The following BRINP3 variants were observed in gnomAD, a reference collection of about 807,000 sequenced individuals.
BRINP3 encodes BMP/retinoic acid inducible neural specific 3, also known as BMP/retinoic acid-inducible neural-specific protein 3.
Under a neutral mutation model 71.0 loss-of-function variants are expected in BRINP3, and 19 were observed. The observed-to-expected ratio is 0.27, with a 90% CI of 0.19 to 0.39. The LOEUF (loss-of-function observed/expected upper bound fraction) is 0.39, where lower values mean the gene tolerates loss of function less well. Ranked by LOEUF, BRINP3 falls within the 10% of genes least tolerant of loss-of-function variation. The probability of loss-of-function intolerance (pLI) is 1.00; values close to 1 mark genes in which losing one functional copy is unlikely to be tolerated. For synonymous variants in BRINP3, 380 were observed against 337.7 expected, an observed-to-expected ratio of 1.13 and a Z score of -1.37; for missense variants, 959 against 940.8, an observed-to-expected ratio of 1.02 and a Z score of -0.25.
chr1:190,428,103 T>C (rs1449573973), intron 2 of BRINP3, among the ~76,000 whole-genome samples: 1 of 152,004 alleles, frequency 6.6e-6, no homozygotes, highest in Non-Finnish European at 1.5e-5. Context: ...GGCAAATATT[T>C]TTTTTTCCTC....
intron 7 of BRINP3, among the ~76,000 whole-genome samples, chr1:190,152,539 C>G (rs939372527): frequency 2.3e-5 from 3 of 133,028 alleles, no homozygotes; most frequent in African/African-American, 8.2e-5. Flanking sequence ...CAACCCCCCC[C>G]CCGCCCCCCA....
intron 2 of BRINP3, among the ~76,000 whole-genome samples, chr1:190,405,800 C>T (rs12405768): frequency 7.2e-5 from 11 of 152,268 alleles, no homozygotes; most frequent in Admixed American, 1.3e-4. Context: ...TTTACCACGC[C>T]AGACATGCTA....
At chr1:190,440,744 G>T in intron 2 of BRINP3, among the ~76,000 whole-genome samples, 1 of 151,670 alleles carries the variant, frequency 6.6e-6, no homozygotes, top group East Asian at 1.9e-4. Flanking sequence ...CAAATGAGCT[G>T]GATTAAACTG....
At chr1:190,347,868 C>T (rs966108468) in intron 2 of BRINP3, among the ~76,000 whole-genome samples, 1 of 152,018 alleles carries the variant, frequency 6.6e-6, no homozygotes, top group Non-Finnish European at 1.5e-5. Flanking sequence ...TAAAAATGTT[C>T]CCTTTATCTT....
intron 7 of BRINP3, among the ~76,000 whole-genome samples, chr1:190,152,942 A>G (rs972808695): frequency 6.6e-5 from 10 of 152,170 alleles, no homozygotes; most frequent in African/African-American, 1.9e-4. Flanking sequence ...GATATAATAA[A>G]GTGAAAGATA....
Position 190,324,355 on chromosome 1 carries a change from C to T in BRINP3, c.237-42605G>A, listed in dbSNP as rs187013390. Among the ~76,000 whole-genome samples the T allele has an allele frequency of 5.5e-4, 83 of 152,010 alleles. 1 individual carries two copies. The highest frequency in any genetic ancestry group is 3.4e-3 in the Middle Eastern group (1 of 294). On this transcript the variant is annotated intron_variant, in intron 2 of 7. Transcript: ENST00000367462. ...AGATCACACATGCCTGTCTCCAATACATAAAGCTGGGTTCAGAACCAGTGA... is the reference window on the plus strand; with the variant it reads ...AGATCACACATGCCTGTCTCCAATATATAAAGCTGGGTTCAGAACCAGTGA...
chr1:190,241,412 C>T (rs1311936563), intron 4 of BRINP3, among the ~76,000 whole-genome samples: 1 of 151,954 alleles, frequency 6.6e-6, no homozygotes, highest in African/African-American at 2.4e-5. Flanking sequence ...GCTTTCCAAG[C>T]TTTATAGTTA....
intron 2 of BRINP3, among the ~76,000 whole-genome samples, chr1:190,369,086 G>A (rs919355646): frequency 6.6e-6 from 1 of 152,072 alleles, no homozygotes; most frequent in Non-Finnish European, 1.5e-5. Context: ...TGAGATTTGG[G>A]TGAGGACACA....
chr1:190,264,410 G>A (rs1364730461), intron 4 of BRINP3, among the ~76,000 whole-genome samples: 1 of 151,920 alleles, frequency 6.6e-6, no homozygotes, highest in Non-Finnish European at 1.5e-5. Context: ...AACATTGAGG[G>A]GTCATTTTCT....
chr1:190,181,053 C>T (rs998586291), intron 6 of BRINP3, among the ~76,000 whole-genome samples: 18 of 152,042 alleles, frequency 1.2e-4, no homozygotes, highest in Non-Finnish European at 2.4e-4. Flanking sequence ...TACAACAATC[C>T]CTCCACTTCC....
chr1:190,204,792 A>G (rs774439103), intron 6 of BRINP3, among the ~76,000 whole-genome samples: 8 of 152,090 alleles, frequency 5.3e-5, no homozygotes, highest in Non-Finnish European at 1.2e-4. Flanking sequence ...TACAAGTTAA[A>G]TATAAAATGG....
At chr1:190,427,732 A>G (rs1296414048) in intron 2 of BRINP3, among the ~76,000 whole-genome samples, 1 of 151,828 alleles carries the variant, frequency 6.6e-6, no homozygotes, top group East Asian at 1.9e-4. Context: ...TAAATTGCAG[A>G]TTTTTATTTT....
At chr1:190,223,737 C>T (rs1246186378) in intron 6 of BRINP3, among the ~76,000 whole-genome samples, 2 of 151,706 alleles carry the variant, frequency 1.3e-5, no homozygotes, top group Non-Finnish European at 3.0e-5. Flanking sequence ...GTCAAATTAG[C>T]GTTGTTTGTA....
chr1:190,236,713 G>T (rs936628567), intron 4 of BRINP3, among the ~76,000 whole-genome samples: 1 of 151,880 alleles, frequency 6.6e-6, no homozygotes, highest in African/African-American at 2.4e-5. Flanking sequence ...GTGTTGATAT[G>T]ATATGTGTAT....
Position 190,365,775 on chromosome 1 carries a change from ATGC to A in BRINP3, c.237-84028_237-84026del, listed in dbSNP as rs1424425339. 7.7e-5 allele frequency among the ~76,000 whole-genome samples: 11 copies of A among 143,636 alleles called. No individual in the cohort carries two copies. In the South Asian group the frequency reaches 2.2e-3, roughly 28 times the overall value. The allele number at this position is 143,636 out of a possible 152,430, so 94.2% of individuals were successfully genotyped here. ...AACTAAAATGTATATTAAAATATAAATGCTGCGAAGAGTACAATGAGAGAGCAA... is the reference window on the plus strand; with the variant it reads ...AACTAAAATGTATATTAAAATATAAATGCGAAGAGTACAATGAGAGAGCAA... On this transcript the variant is annotated intron_variant, in intron 2 of 7. Coordinates refer to ENST00000367462, the MANE Select transcript of BRINP3 (RefSeq NM_199051.3).
chr1:190,288,943 T>C (rs1571642055), intron 2 of BRINP3, among the ~76,000 whole-genome samples: 1 of 151,902 alleles, frequency 6.6e-6, no homozygotes, highest in East Asian at 1.9e-4. Flanking sequence ...TTGCTGACAA[T>C]TTCTTCAATT....
At chr1:190,466,978 C>T (rs1296771387) in intron 1 of BRINP3, among the ~76,000 whole-genome samples, 1 of 151,488 alleles carries the variant, frequency 6.6e-6, no homozygotes, top group Non-Finnish European at 1.5e-5. Context: ...AACACAACAA[C>T]ACACAAAATG....
At chr1:190,181,777 G>A (rs187359362) in intron 6 of BRINP3, among the ~76,000 whole-genome samples, 5 of 151,986 alleles carry the variant, frequency 3.3e-5, no homozygotes, top group Admixed American at 1.3e-4. Context: ...GCCACCAAAC[G>A]TAATTTAGAA....
chr1:190,474,045 C>A (rs1052950395), intron 1 of BRINP3, among the ~76,000 whole-genome samples: 1 of 152,076 alleles, frequency 6.6e-6, no homozygotes, highest in African/African-American at 2.4e-5. Flanking sequence ...AGGTCTGGGA[C>A]CTTAAGAAGA....
Sources: allele counts gnomAD v4.1 joint callset (sites outside exome capture counted in the v4.1 genomes callset), GRCh38; gene constraint gnomAD v4.1.1; transcripts MANE v1.5; gene names NCBI Gene and HGNC (gene_info 2026-07-23, HGNC 2026-07-21).